ARHGAP5: variants seen among roughly 807,000 people sequenced by gnomAD.
ARHGAP5 encodes rho GTPase-activating protein 5.
In ARHGAP5, 23 loss-of-function variants were observed where a neutral mutation model predicts 116.6. That is an observed-to-expected ratio of 0.20 (90% confidence interval 0.14 to 0.28). ARHGAP5 has a LOEUF of 0.28. Among genes scored for constraint, ARHGAP5 ranks in the 10% least tolerant of loss-of-function variants. The pLI is 1.00. For missense variants in ARHGAP5, 1,405 were observed against 1,774.8 expected (o/e 0.79, Z 3.74); for synonymous variants, 574 against 602.0 (o/e 0.95, Z 0.68).
At chr14:32,118,313 A>G (rs1282079937) in intron 3 of ARHGAP5, among the ~76,000 whole-genome samples, 1 of 152,036 alleles carries the variant, frequency 6.6e-6, no homozygotes, top group African/African-American at 2.4e-5. Context: ...CCTGGCCAAC[A>G]TGGTGAAACC....
At chr14:32,150,271 A>G (rs1881581785) in intron 5 of ARHGAP5, among the ~76,000 whole-genome samples, 1 of 152,200 alleles carries the variant, frequency 6.6e-6, no homozygotes, top group African/African-American at 2.4e-5. Context: ...TAGAAATTAG[A>G]AGATCATTGT....
chr14:32,140,094 G>GTTTTTTTTTTTTTTTTTTTTTTT (rs1566681674), intron 3 of ARHGAP5, among the ~76,000 whole-genome samples: 2 of 32,448 alleles, frequency 6.2e-5, no homozygotes, highest in African/African-American at 1.4e-4. Flanking sequence ...TAGGTTATTT[G>GTTTTTTTTTTTTTTTTTTTTTTT]TTCTTTTTTT....
In ARHGAP5 at chr14:32,159,501, A is replaced by C. The variant is rs1001345905; in HGVS notation, c.*4553A>C. The stretch of plus-strand genomic sequence containing the variant: ...AATTGACCTATTTATTCATTGCTTC[A>C]CTAATTCATCCAGATTAGTTTTAAG... On this transcript the variant is annotated 3_prime_UTR_variant, in exon 7 of 7. Transcript: ENST00000345122. The C allele has an allele frequency of 1.3e-5, 2 of 152,072 alleles. No homozygotes were observed. The highest frequency in any genetic ancestry group is 6.6e-5 in the Admixed American group (1 of 15,260). 9.4% of individuals were successfully genotyped at this position (152,072 alleles called of 1,614,324 possible).
intron 3 of ARHGAP5, among the ~76,000 whole-genome samples, chr14:32,117,616 T>G (rs914822953): frequency 6.6e-6 from 1 of 152,208 alleles, no homozygotes; most frequent in Non-Finnish European, 1.5e-5. Context: ...GTGTGGAAGT[T>G]TTCCATATTT....
chr14:32,110,587 T>G (rs1044406244), intron 2 of ARHGAP5, among the ~76,000 whole-genome samples: 2 of 151,362 alleles, frequency 1.3e-5, no homozygotes, highest in African/African-American at 4.9e-5. Flanking sequence ...TGAGGGAAAT[T>G]AGGTCAAAAT....
intron 3 of ARHGAP5, among the ~76,000 whole-genome samples, chr14:32,124,893 C>T (rs982359143): frequency 2.6e-5 from 4 of 152,022 alleles, no homozygotes; most frequent in African/African-American, 9.7e-5. Flanking sequence ...GTTCACAGTG[C>T]AAACAGGCTA....
chr14:32,113,031 G>A (rs1879388053), intron 2 of ARHGAP5, among the ~76,000 whole-genome samples: 1 of 152,062 alleles, frequency 6.6e-6, no homozygotes. Context: ...GAACTTTGAT[G>A]GCATTTTATA....
intron 3 of ARHGAP5, among the ~76,000 whole-genome samples, chr14:32,142,408 T>C (rs915575115): frequency 3.9e-5 from 6 of 152,204 alleles, no homozygotes; most frequent in Non-Finnish European, 7.3e-5. Context: ...TTGCTGTGTG[T>C]TGTTTATGTT....
At chr14:32,136,296 TCA>T (rs1313340423) in intron 3 of ARHGAP5, among the ~76,000 whole-genome samples, 1 of 152,230 alleles carries the variant, frequency 6.6e-6, no homozygotes, top group Non-Finnish European at 1.5e-5. Flanking sequence ...TTCACTCCTC[TCA>T]CAGCCCTTGC....
intron 3 of ARHGAP5, among the ~76,000 whole-genome samples, chr14:32,120,220 G>A (rs943390860): frequency 3.9e-5 from 6 of 151,976 alleles, no homozygotes; most frequent in African/African-American, 1.4e-4. Context: ...AAATTGACAA[G>A]GTTTTTAATA....
rs759553314 is a variant in ARHGAP5, at chr14:32,091,479, C to T, written c.810C>T (p.Val270=). 5 of 1,613,018 alleles carry T rather than the reference C, an allele frequency of 3.1e-6. No individual in the cohort carries two copies. Among genetic ancestry groups the T allele is most frequent in the Non-Finnish European group, 4.2e-6 (5 of 1,179,528 alleles). Residue 270 remains valine (V), a synonymous_variant, in exon 2 of 7, where the codon GTC becomes GTT. Transcript: ENST00000345122. Reference sequence around the variant, plus strand: ...ATAAAACACAGAGACAACTTGTTGTCACAGCAACAGATAAGTTTGAAAAAC... The same window carrying T: ...ATAAAACACAGAGACAACTTGTTGTTACAGCAACAGATAAGTTTGAAAAAC... ...DAYKTQRQLV[V]TATDKFEKLV... is the part of the protein sequence containing the mutation.
chr14:32,138,810 A>G (rs926538841), intron 3 of ARHGAP5, among the ~76,000 whole-genome samples: 2 of 152,186 alleles, frequency 1.3e-5, no homozygotes, highest in Non-Finnish European at 2.9e-5. Flanking sequence ...ATATTTCATC[A>G]CAGCTAATAA....
intron 1 of ARHGAP5, among the ~76,000 whole-genome samples, chr14:32,085,225 T>A (rs2041816798): frequency 6.6e-6 from 1 of 151,998 alleles, no homozygotes; most frequent in South Asian, 2.1e-4. Flanking sequence ...GGAAGAGGAT[T>A]GCTTGAGCCC....
In ARHGAP5 at chr14:32,155,302, A is replaced by G. The variant is rs2139159289; in HGVS notation, c.*354A>G. On this transcript the variant is annotated 3_prime_UTR_variant, in exon 7 of 7. Transcript: ENST00000345122. Reference sequence around the variant, plus strand: ...TTAAATGATTTAAAAACTCACCTATATGAAACATTTAATGCTTTTCAGCCT... The same window carrying G: ...TTAAATGATTTAAAAACTCACCTATGTGAAACATTTAATGCTTTTCAGCCT... 6.0e-6 allele frequency: 1 copy of G among 166,438 alleles called. No homozygotes were observed. Among genetic ancestry groups the G allele is most frequent in the African/African-American group, 2.4e-5 (1 of 41,988 alleles). The allele number at this position is 166,438 out of a possible 1,614,324, so 10.3% of individuals were successfully genotyped here.
intron 3 of ARHGAP5, among the ~76,000 whole-genome samples, chr14:32,136,620 G>A (rs1880817454): frequency 6.6e-6 from 1 of 152,144 alleles, no homozygotes; most frequent in Non-Finnish European, 1.5e-5. Context: ...GAGGGTGTAT[G>A]CCTAGGAGTG....
rs746318541 is a variant in ARHGAP5 at position 32,091,807 on chromosome 14, G to A, written c.1138G>A (p.Val380Met). 4 of 1,613,482 alleles carry A rather than the reference G, an allele frequency of 2.5e-6. No homozygotes were observed. The Admixed American group carries it at 6.7e-5, about 27-fold the overall frequency. The change falls in exon 2 of 7, where the codon GTG becomes ATG. Residue 380 changes from valine to methionine, a missense_variant. Physicochemically the swap from Val to Met is conservative, Grantham distance 21 (BLOSUM62 1). Coordinates refer to ENST00000345122, the MANE Select transcript of ARHGAP5 (RefSeq NM_001030055.2). ...AGCAGATTTCCAGTTATGTTTTGTGGTGCTAGAAAAAACTCCTTGGGATGA... is the reference window on the plus strand; with the variant it reads ...AGCAGATTTCCAGTTATGTTTTGTGATGCTAGAAAAAACTCCTTGGGATGA... The part of the protein sequence containing the change: ...KRADFQLCFV[V>M]LEKTPWDETD...
At chr14:32,106,355 G>A (rs1177997509) in intron 2 of ARHGAP5, among the ~76,000 whole-genome samples, 1 of 151,954 alleles carries the variant, frequency 6.6e-6, no homozygotes, top group Non-Finnish European at 1.5e-5. Flanking sequence ...TCCTGACCTC[G>A]TGATCCACCC....
chr14:32,153,569 T>A (rs1594401968), intron 6 of ARHGAP5, among the ~76,000 whole-genome samples: 1 of 137,804 alleles, frequency 7.3e-6, no homozygotes, highest in Non-Finnish European at 1.5e-5. Flanking sequence ...GCCTCCTGGG[T>A]TCAAGCAGTT....
intron 3 of ARHGAP5, among the ~76,000 whole-genome samples, chr14:32,136,826 A>G (rs560817241): frequency 3.3e-5 from 5 of 151,734 alleles, no homozygotes; most frequent in South Asian, 4.2e-4. Flanking sequence ...TTTGATTTCC[A>G]TTTCCCGTTG....
Sources: allele counts gnomAD v4.1 joint callset (sites outside exome capture counted in the v4.1 genomes callset), GRCh38; gene constraint gnomAD v4.1.1; transcripts MANE v1.5; gene names NCBI Gene and HGNC (gene_info 2026-07-23, HGNC 2026-07-21).